The following ALG13 variants were observed in gnomAD, a reference collection of about 807,000 sequenced individuals.
ALG13 encodes the protein UDP-N-acetylglucosamine transferase subunit ALG13.
Under a neutral mutation model 87.8 loss-of-function variants are expected in ALG13, and 11 were observed. The observed-to-expected ratio is 0.13, with a 90% CI of 0.08 to 0.21. ALG13 has a LOEUF of 0.21. Ranked by LOEUF, ALG13 falls within the 10% of genes least tolerant of loss-of-function variation. The pLI, the probability that ALG13 is intolerant of heterozygous loss-of-function variation, is 1.00. For synonymous variants in ALG13, 320 were observed against 306.3 expected (o/e 1.04, Z -0.47); for missense variants, 756 against 866.1 (o/e 0.87, Z 1.60).
chrX:111,692,583 G>A lies in ALG13; in HGVS notation c.383+7480G>A, dbSNP rs147144010. On this transcript the variant is annotated intron_variant, in intron 3 of 26. Transcript: ENST00000394780. ...AGAAGATGTGACCATCATATTGTAT[G>A]GTAAGTTTGTAGGATCAAGCACATA... Among the ~76,000 whole-genome samples, 973 of 111,084 alleles carry A rather than the reference G, an allele frequency of 8.8e-3. 8 individuals carry two copies. Among genetic ancestry groups the A allele is most frequent in the Non-Finnish European group, 0.015 (818 of 53,034 alleles).
At chrX:111,733,181 G>C (rs1290609939) in intron 21 of ALG13, among the ~76,000 whole-genome samples, 1 of 111,111 alleles carries the variant, frequency 9.0e-6, no homozygotes, top group Non-Finnish European at 1.9e-5. Flanking sequence ...GGTGGTGGTT[G>C]GTTACAATGA....
chrX:111,719,612 G>A (rs1941151539), intron 10 of ALG13, among the ~76,000 whole-genome samples: 1 of 112,297 alleles, frequency 8.9e-6, no homozygotes, highest in Non-Finnish European at 1.9e-5. Context: ...TAATGAGGAT[G>A]TTGGTCAGGA....
chrX:111,728,923 A>G (rs1201872237), intron 19 of ALG13, among the ~76,000 whole-genome samples: 2 of 111,911 alleles, frequency 1.8e-5, no homozygotes, highest in African/African-American at 3.2e-5. Context: ...TGGCAGAGAT[A>G]TAATTTTTTG....
chrX:111,704,127 C>T lies in ALG13; in HGVS notation c.384-3900C>T, dbSNP rs1602614176. On this transcript the variant is annotated intron_variant, in intron 3 of 26. Transcript: ENST00000394780. ...AAAAGATGCTCAATATCATTAGCCA[C>T]TGGGGAAATGCAAATCAAAACCACA... Among the ~76,000 whole-genome samples, 3 of 111,587 alleles carry T rather than the reference C, an allele frequency of 2.7e-5. 1 individual carries two copies. In the Admixed American group the frequency reaches 2.9e-4, roughly 11 times the overall value.
chrX:111,757,741 C>G lies in ALG13; in HGVS notation c.3127C>G (p.Gln1043Glu), dbSNP rs1303589208. The G allele has an allele frequency of 8.3e-7, 1 of 1,204,391 alleles. No individual in the cohort carries two copies. Among genetic ancestry groups the G allele is most frequent in the Non-Finnish European group, 1.1e-6 (1 of 893,477 alleles). The change falls in exon 26 of 27, where the codon CAG (glutamine) becomes GAG (glutamate). Residue 1043 changes from glutamine to glutamate, a missense_variant. Gln to Glu is a conservative substitution (Grantham distance 29). Transcript: ENST00000394780. ...YSEVRREDGI[Q>E]AEASANDTFP... ...TGAGGTGAGGAGAGAAGATGGCATACAGGCGGAAGCATCAGCAAATGGTGA... is the reference window on the plus strand; with the variant it reads ...TGAGGTGAGGAGAGAAGATGGCATAGAGGCGGAAGCATCAGCAAATGGTGA...
At chrX:111,683,582 AC>A (rs1934144529) in intron 2 of ALG13, among the ~76,000 whole-genome samples, 1 of 108,481 alleles carries the variant, frequency 9.2e-6, no homozygotes, top group South Asian at 4.0e-4. Flanking sequence ...CAGGCAATCC[AC>A]CTGCCTCGGC....
chrX:111,684,543 T>C (rs1264780554), intron 2 of ALG13, among the ~76,000 whole-genome samples: 1 of 111,287 alleles, frequency 9.0e-6, no homozygotes, highest in Non-Finnish European at 1.9e-5. Context: ...GAGAGTGGTC[T>C]TGAACTCCTG....
Position 111,757,760 on chromosome X carries a change from A to G in ALG13, c.3146A>G (p.Asn1049Ser), listed in dbSNP as rs764976056. The change falls in exon 26 of 27, where the codon AAT becomes AGT. Residue 1049 changes from asparagine (N) to serine (S), a missense_variant and splice_region_variant. Asn to Ser is a conservative substitution (Grantham distance 46). This residue lies in a region of ALG13 where 110 missense variants were observed against 104.9 expected (regional missense o/e 1.05). Coordinates refer to ENST00000394780, the MANE Select transcript of ALG13 (RefSeq NM_001099922.3). ...GGCATACAGGCGGAAGCATCAGCAA[A>G]TGGTGAGTGTGTAATGAGATTGCCA... Reference protein sequence around the residue: ...EDGIQAEASANDTFPNADSSS... With the variant: ...EDGIQAEASASDTFPNADSSS... The G allele has an allele frequency of 1.7e-6, 2 of 1,204,986 alleles. No individual in the cohort carries two copies. The highest frequency in any genetic ancestry group is 2.2e-6 in the Non-Finnish European group (2 of 892,512).
intron 5 of ALG13, 40 bp downstream of exon 5, chrX:111,709,088 T>C (rs1275208982): frequency 1.2e-6 from 1 of 860,357 alleles, no homozygotes; most frequent in Non-Finnish European, 1.6e-6. Flanking sequence ...TGGTAGAGTG[T>C]GTAGCAGGTG....
At chrX:111,744,606 G>C in intron 23 of ALG13, 62 bp from the exon 24 acceptor site, 1 of 1,086,195 alleles carries the variant, frequency 9.2e-7, no homozygotes, top group Non-Finnish European at 1.2e-6. Flanking sequence ...AAGTAGATGA[G>C]CCTACTGTTC....
chrX:111,719,275 T>A (rs1941094588), intron 10 of ALG13, among the ~76,000 whole-genome samples: 1 of 110,830 alleles, frequency 9.0e-6, no homozygotes, highest in African/African-American at 3.3e-5. Context: ...TCCATCCGCC[T>A]CGGCCTCCCA....
intron 3 of ALG13, chrX:111,685,367 G>C: frequency 4.4e-6 from 1 of 226,925 alleles, no homozygotes; most frequent in Non-Finnish European, 7.7e-6. Context: ...TTATTTAGGC[G>C]TGCATGTCTC....
Position 111,720,165 on chromosome X carries a change from A to G in ALG13, c.1321A>G (p.Thr441Ala). The change falls in exon 11 of 27, where the codon ACA becomes GCA. Residue 441 changes from threonine to alanine, a missense_variant. Around this residue, in one of 9 missense-constraint regions of ALG13, gnomAD observed 48 missense variants for 50.5 expected, o/e 0.95. Transcript: ENST00000394780. Reference protein sequence around the residue: ...PEGYNKGTEETKSPENPSKMP... With the variant: ...PEGYNKGTEEAKSPENPSKMP... ...GGGCTACAATAAAGGAACAGAAGAA[A>G]CAAAGGTTTGATATTTTCTAAGGCA... The G allele has an allele frequency of 8.5e-7, 1 of 1,172,235 alleles. No individual in the cohort carries two copies. The highest frequency in any genetic ancestry group is 2.4e-4 in the Middle Eastern group (1 of 4,198).
At chrX:111,736,499 A>G (rs1817793004) in intron 22 of ALG13, among the ~76,000 whole-genome samples, 1 of 111,808 alleles carries the variant, frequency 8.9e-6, no homozygotes, top group Non-Finnish European at 1.9e-5. Context: ...TTAATGTATT[A>G]CCTTTTTAGA....
intron 24 of ALG13, among the ~76,000 whole-genome samples, chrX:111,746,915 C>A (rs1167673120): frequency 1.8e-5 from 2 of 111,464 alleles, no homozygotes; most frequent in East Asian, 5.6e-4. Context: ...TTTTATAGAG[C>A]AGTTTTCTGT....
chrX:111,752,952 T>C, intron 25 of ALG13, 122 bp downstream of exon 25: 1 of 469,241 alleles, frequency 2.1e-6, no homozygotes, highest in Non-Finnish European at 3.6e-6. Flanking sequence ...TTTAATTCTG[T>C]CTAAGAGATC....
At chrX:111,701,107 A>C (rs956625505) in intron 3 of ALG13, among the ~76,000 whole-genome samples, 1 of 111,608 alleles carries the variant, frequency 9.0e-6, no homozygotes, top group African/African-American at 3.3e-5. Flanking sequence ...TGTGGAATAT[A>C]GCTTGCTAGG....
At position 111,681,395 on chromosome X, in the gene ALG13, C is replaced by T. The variant is rs771076224; in HGVS notation, c.81+96C>T. The T allele has an allele frequency of 1.2e-4, 145 of 1,178,731 alleles. No individual in the cohort carries two copies. In the East Asian group the frequency reaches 4.1e-3, roughly 33 times the overall value. On this transcript the variant is annotated intron_variant, in intron 1 of 26. Coordinates refer to ENST00000394780, the MANE Select transcript of ALG13 (RefSeq NM_001099922.3). ...GTTAGCCTTGCCTGACCGTCGCGCTCGGAAAGAAACCCCCGCAACTCTACC... is the reference window on the plus strand; with the variant it reads ...GTTAGCCTTGCCTGACCGTCGCGCTTGGAAAGAAACCCCCGCAACTCTACC...
chrX:111,756,997 G>A (rs1418787222), intron 25 of ALG13, among the ~76,000 whole-genome samples: 3 of 111,812 alleles, frequency 2.7e-5, no homozygotes, highest in Non-Finnish European at 5.6e-5. Context: ...AGGAGATGCT[G>A]AATAGATATT....
Sources: allele counts gnomAD v4.1 joint callset (sites outside exome capture counted in the v4.1 genomes callset), GRCh38; gene constraint gnomAD v4.1.1; regional missense constraint gnomAD v4.1.1; transcripts MANE v1.5; gene names NCBI Gene and HGNC (gene_info 2026-07-23, HGNC 2026-07-21).